The following CLEC1B variants were observed in gnomAD, a reference collection of about 807,000 sequenced individuals.
CLEC1B encodes the protein C-type lectin-like receptor 2.
CLEC1B carries 26 observed loss-of-function variants against 26.7 expected under a neutral mutation model. The observed-to-expected ratio is 0.97, with a 90% CI of 0.71 to 1.35. The LOEUF (loss-of-function observed/expected upper bound fraction) is 1.35. Among genes scored for constraint, CLEC1B ranks in the 40% most tolerant of loss-of-function variants. CLEC1B has a pLI of 0.00. For missense variants in CLEC1B, 293 were observed against 282.6 expected, an observed-to-expected ratio of 1.04 and a Z score of -0.26; for synonymous variants, 112 against 96.0, an observed-to-expected ratio of 1.17 and a Z score of -0.97.
At chr12:9,997,089 T>G in intron 3 of CLEC1B, 71 bp downstream of exon 3, 1 of 1,608,736 alleles carries the variant, frequency 6.2e-7, no homozygotes, top group Non-Finnish European at 8.5e-7. Context: ...GATCTCAAAC[T>G]CCCTTCAGTT....
upstream of CLEC1B, among the ~76,000 whole-genome samples, chr12:10,000,524 T>C (rs1767514078): frequency 6.6e-6 from 1 of 152,184 alleles, no homozygotes; most frequent in Non-Finnish European, 1.5e-5. Context: ...TTGAAATAAA[T>C]GCCAAATTTT....
Position 9,998,378 on chromosome 12 carries a change from C to T in CLEC1B, c.67G>A (p.Gly23Ser), listed in dbSNP as rs1182797530. The part of the protein sequence containing the change: ...KTRKPALISV[G>S]SASSSWWRVM... ...CGCCACCAGGAGGAGGATGCAGAGC[C>T]AACTGTAGGCATATAATAAAGACAT... Residue 23 changes from glycine (G) to serine (S), a missense_variant and splice_region_variant, in exon 2 of 6, where the codon GGC becomes AGC. Physicochemically the swap from Gly to Ser is moderately conservative, Grantham distance 56 (BLOSUM62 0). Coordinates refer to ENST00000298527, the MANE Select transcript of CLEC1B (RefSeq NM_016509.4). 5.0e-6 allele frequency: 8 copies of T among 1,609,500 alleles called. No homozygotes were observed. The highest frequency in any genetic ancestry group is 5.1e-6 in the Non-Finnish European group (6 of 1,176,048).
At chr12:10,000,811 A>G (rs1387600607), upstream of CLEC1B, among the ~76,000 whole-genome samples, 1 of 152,130 alleles carries the variant, frequency 6.6e-6, no homozygotes, top group African/African-American at 2.4e-5. Context: ...ACATCTACTC[A>G]TCAGCAAGTC....
chr12:9,997,364 T>A, intron 2 of CLEC1B, 85 bp from the exon 3 acceptor site: 1 of 1,280,042 alleles, frequency 7.8e-7, no homozygotes, highest in Non-Finnish European at 1.1e-6. Flanking sequence ...TTCATTTCCT[T>A]AACTTTGCCA....
chr12:9,997,220 G>A lies in CLEC1B; in HGVS notation c.223C>T (p.Gln75Ter), dbSNP rs1324215489. 1 of 1,613,700 alleles carries A rather than the reference G, an allele frequency of 6.2e-7. No individual in the cohort carries two copies. Among genetic ancestry groups the A allele is most frequent in the Non-Finnish European group, 8.5e-7 (1 of 1,179,822 alleles). ...TATTGACAGAAGCGCTTTGCTAATT[G>A]TTGCAGAGTTCCTGTGCGATTTTCA... is the stretch of plus-strand genomic sequence containing the variant. ...ENENRTGTLQQLAKRFCQYVV... is the reference protein window; with the variant it reads ...ENENRTGTLQ The change falls in exon 3 of 6, where the codon CAA (glutamine) becomes TAA (stop). Residue 75 changes from glutamine (Q) to a stop codon, truncating the protein, a stop_gained. Coordinates refer to ENST00000298527, the MANE Select transcript of CLEC1B (RefSeq NM_016509.4). LOFTEE classifies it high-confidence loss of function.
In CLEC1B at chr12:9,998,325, C is replaced by T. The variant is rs374086170; in HGVS notation, c.120G>A (p.Leu40=). 5.0e-4 allele frequency: 807 copies of T among 1,613,964 alleles called. 1 individual carries two copies. The highest frequency in any genetic ancestry group is 6.6e-4 in the Non-Finnish European group (782 of 1,180,020). ...WRVMALILLI[L]CVGMVVGLVA... is the part of the protein sequence containing the mutation. ...CCAGCCCGACAACCATCCCCACGCA[C>T]AGGATCAGCAGAATCAAAGCCATCA... Residue 40 remains leucine, a synonymous_variant, in exon 2 of 6, where the codon CTG becomes CTA. Transcript: ENST00000298527.
At chr12:9,993,756 A>T (rs1462819989) in intron 5 of CLEC1B, among the ~76,000 whole-genome samples, 2 of 152,170 alleles carry the variant, frequency 1.3e-5, no homozygotes, top group Non-Finnish European at 1.5e-5. Flanking sequence ...ATGTTGCAAG[A>T]TAAATCATCT....
At chr12:9,997,582 C>G (rs1346069055) in intron 2 of CLEC1B, among the ~76,000 whole-genome samples, 1 of 152,152 alleles carries the variant, frequency 6.6e-6, no homozygotes, top group Non-Finnish European at 1.5e-5. Context: ...AGCTTCTCAG[C>G]TGAGTTATAG....
In CLEC1B at chr12:9,996,908, T is replaced by C. The variant is rs1459350776; in HGVS notation, c.376A>G (p.Ser126Gly). Residue 126 changes from serine to glycine, a missense_variant, in exon 4 of 6, where the codon AGT (serine) becomes GGT (glycine). Transcript: ENST00000298527. ...FFRHNLTWEE[S>G]KQYCTDMNAT... ...TTCATGTCAGTGCAGTACTGCTTAC[T>C]CTCTTCCCATGTTAAGTTGTGCCTG... 4.3e-6 allele frequency: 7 copies of C among 1,613,906 alleles called. No homozygotes were observed. The Admixed American group carries it at 1.0e-4, about 23-fold the overall frequency.
upstream of CLEC1B, chr12:9,999,210 G>A (rs1865125917): frequency 7.3e-6 from 5 of 685,616 alleles, no homozygotes; most frequent in South Asian, 6.4e-5. Context: ...GTCTTTAGTA[G>A]GGTAGAACCA....
rs1368520868 is a variant in CLEC1B at position 9,997,165 on chromosome 12, G to C, written c.278C>G (p.Thr93Ser). 6.2e-7 allele frequency: 1 copy of C among 1,613,900 alleles called. No homozygotes were observed. ...GTTAAAAAAACAATACTTACTGAAAGTGCCCTTTAGTTCTGATTGTTTTAC... is the reference window on the plus strand; with the variant it reads ...GTTAAAAAAACAATACTTACTGAAACTGCCCTTTAGTTCTGATTGTTTTAC... ...YVVKQSELKG[T>S]FKGHKCSPCD... The change falls in exon 3 of 6, where the codon ACT becomes AGT. Residue 93 changes from threonine (T) to serine (S), a missense_variant. Coordinates refer to ENST00000298527, the MANE Select transcript of CLEC1B (RefSeq NM_016509.4).
At chr12:9,994,973 G>A (rs1219927018) in intron 5 of CLEC1B, 167 bp downstream of exon 5, 11 of 1,505,854 alleles carry the variant, frequency 7.3e-6, no homozygotes, top group Non-Finnish European at 8.9e-6. Flanking sequence ...ATGGGAGAGA[G>A]GGGAAAGAAT....
At chr12:10,001,571 ACT>A (rs748114989), upstream of CLEC1B, among the ~76,000 whole-genome samples, 2 of 152,092 alleles carry the variant, frequency 1.3e-5, no homozygotes, top group Admixed American at 6.6e-5. Flanking sequence ...GAAGACAGAG[ACT>A]CTCAGGGCCA....
chr12:9,997,768 C>T (rs1865088089), intron 2 of CLEC1B, among the ~76,000 whole-genome samples: 2 of 152,024 alleles, frequency 1.3e-5, no homozygotes, highest in Non-Finnish European at 2.9e-5. Flanking sequence ...TCAACAAATA[C>T]ACAAACAAGC....
intron 4 of CLEC1B, among the ~76,000 whole-genome samples, chr12:9,995,956 G>C (rs982825907): frequency 4.6e-5 from 7 of 152,096 alleles, no homozygotes; most frequent in Non-Finnish European, 8.8e-5. Flanking sequence ...GCACATAGTT[G>C]CTGAATTAAT....
intron 5 of CLEC1B, among the ~76,000 whole-genome samples, chr12:9,994,795 C>T (rs537656676): frequency 2.6e-4 from 40 of 151,536 alleles, no homozygotes; most frequent in Non-Finnish European, 5.2e-4. Context: ...ATAATCAGAA[C>T]AAGCAAAACA....
At chr12:9,999,015 T>A (rs767131524) in intron 1 of CLEC1B, 22 bp downstream of exon 1, 2 of 1,398,596 alleles carry the variant, frequency 1.4e-6, no homozygotes, top group Non-Finnish European at 1.0e-6. Flanking sequence ...ATTTCCAAAT[T>A]ATTGGCTCTG....
upstream of CLEC1B, among the ~76,000 whole-genome samples, chr12:9,999,797 T>C (rs1865134142): frequency 6.6e-6 from 1 of 152,224 alleles, no homozygotes; most frequent in Non-Finnish European, 1.5e-5. Flanking sequence ...TGTTCTTTAG[T>C]AGTGTTTGTG....
Position 9,995,237 on chromosome 12 carries a change from T to C in CLEC1B, c.448A>G (p.Lys150Glu), listed in dbSNP as rs61731309. ...IDNRNIVEYI[K>E]ARTHLIRWVG... ...CAACGAATTAAATGAGTCCTGGCTTTGATGTACTCCTATTGTAAACATAAA... is the reference window on the plus strand; with the variant it reads ...CAACGAATTAAATGAGTCCTGGCTTCGATGTACTCCTATTGTAAACATAAA... The change falls in exon 5 of 6, where the codon AAA (lysine) becomes GAA (glutamate). Residue 150 changes from lysine (K) to glutamate (E), a missense_variant. Physicochemically the swap from Lys to Glu is moderately conservative, Grantham distance 56. Transcript: ENST00000298527. 500 of 1,612,416 alleles carry C rather than the reference T, an allele frequency of 3.1e-4. 2 individuals are homozygous for C. In the African/African-American group the frequency reaches 5.7e-3, roughly 18 times the overall value.
Sources: gnomAD v4.1 joint callset for allele counts (sites outside exome capture counted in the v4.1 genomes callset) on GRCh38, gnomAD v4.1.1 for gene constraint, MANE v1.5 for transcripts, NCBI Gene and HGNC (gene_info 2026-07-23, HGNC 2026-07-21) for gene names.